The following TMEM114 variants were observed in gnomAD, a reference collection of about 807,000 sequenced individuals.
The protein encoded by TMEM114 is claudin-26.
TMEM114 carries 6 observed loss-of-function variants against 6.2 expected under a neutral mutation model. That is an observed-to-expected ratio of 0.97 (90% CI 0.53 to 1.91). The LOEUF (loss-of-function observed/expected upper bound fraction) is 1.91. Among genes scored for constraint, TMEM114 ranks in the 40% most tolerant of loss-of-function variants. The pLI is 0.01. For synonymous variants in TMEM114, 104 were observed against 73.0 expected, an observed-to-expected ratio of 1.42 and a Z score of -2.16; for missense variants, 218 against 158.3, an observed-to-expected ratio of 1.38 and a Z score of -2.02.
In TMEM114 at chr16:8,571,962, C is replaced by A. The variant is rs539421624; in HGVS notation, c.439+125G>T. Reference sequence around the variant, plus strand: ...CCACTCATCTCTTCCAACTGATATCCCAGAAGGGGAAACTGAACCCCACGA... The same window carrying A: ...CCACTCATCTCTTCCAACTGATATCACAGAAGGGGAAACTGAACCCCACGA... On this transcript the variant is annotated intron_variant, in intron 3 of 3. Transcript: ENST00000620492. 1.1e-5 allele frequency: 14 copies of A among 1,228,038 alleles called. No homozygotes were observed. The South Asian group carries it at 2.0e-4, about 18-fold the overall frequency. The allele number at this position is 1,228,038 out of a possible 1,614,324, so 76.1% of individuals were successfully genotyped here. A position where few individuals can be genotyped will look rare whatever the true frequency, so the allele number is the denominator to read the frequency against.
At chr16:8,555,202 G>A (rs546034836) in intron 2 of TMEM114, among the ~76,000 whole-genome samples, 1 of 152,296 alleles carries the variant, frequency 6.6e-6, no homozygotes, top group East Asian at 1.9e-4. Context: ...ACATCCCAAA[G>A]GTATGCACTA....
chr16:8,542,615 G>A (rs1337392842), intron 2 of TMEM114, among the ~76,000 whole-genome samples: 1 of 152,174 alleles, frequency 6.6e-6, no homozygotes, highest in Non-Finnish European at 1.5e-5. Flanking sequence ...TTGATTCTGT[G>A]GGTTTGGGGT....
chr16:8,530,308 C>A, the TMEM114 span, among the ~76,000 whole-genome samples: 1 of 152,110 alleles, frequency 6.6e-6, no homozygotes, highest in African/African-American at 2.4e-5. Context: ...ATTGCGGAGA[C>A]CTGGCTCCAC....
At position 8,550,716 on chromosome 16, in the gene TMEM114, G is replaced by A. The variant is rs569947209; in HGVS notation, n.213-12890C>T. On this transcript the variant is annotated intron_variant and non_coding_transcript_variant, in intron 2 of 2. Coordinates refer to the TMEM114 transcript ENST00000623677. ...AAAAAAAACCAAAAAAAAAAAGCAA[G>A]CAAACAAACAAACACTGGTCCCTCC... is the stretch of plus-strand genomic sequence containing the variant. 2.1e-5 allele frequency among the ~76,000 whole-genome samples: 3 copies of A among 146,244 alleles called. No homozygotes were observed. The South Asian group carries it at 6.6e-4, about 32-fold the overall frequency.
rs578209113 is a variant in TMEM114, at chr16:8,554,028, G to A, written n.213-16202C>T. Among the ~76,000 whole-genome samples, 12 of 152,098 alleles carry A rather than the reference G, an allele frequency of 7.9e-5. No individual in the cohort carries two copies. The East Asian group carries it at 1.2e-3, about 15-fold the overall frequency. On this transcript the variant is annotated intron_variant and non_coding_transcript_variant, in intron 2 of 2. Coordinates refer to the TMEM114 transcript ENST00000623677. ...TGAATAGCTGGGATTACAGGCATGCGCCACCACACCCAGTTAATTTTTGTG... is the reference window on the plus strand; with the variant it reads ...TGAATAGCTGGGATTACAGGCATGCACCACCACACCCAGTTAATTTTTGTG...
intron 2 of TMEM114, among the ~76,000 whole-genome samples, chr16:8,538,119 T>A (rs944737835): frequency 9.8e-6 from 1 of 101,962 alleles, no homozygotes; most frequent in Non-Finnish European, 1.8e-5. Context: ...GACAGCATGG[T>A]GTGACTGTCT....
intron 2 of TMEM114, among the ~76,000 whole-genome samples, chr16:8,543,903 C>G (rs1173536320): frequency 6.6e-6 from 1 of 152,226 alleles, no homozygotes; most frequent in African/African-American, 2.4e-5. Context: ...GGAACCTACA[C>G]AGTAAATTCC....
chr16:8,535,741 A>C (rs1377513735), downstream of TMEM114, among the ~76,000 whole-genome samples: 5 of 152,140 alleles, frequency 3.3e-5, no homozygotes, highest in Non-Finnish European at 7.3e-5. Flanking sequence ...CATCAAGTCA[A>C]ATAAAGGTGA....
At chr16:8,565,883 G>C (rs13334463), downstream of TMEM114, among the ~76,000 whole-genome samples, 8 of 151,968 alleles carry the variant, frequency 5.3e-5, no homozygotes, top group Non-Finnish European at 8.8e-5. Context: ...GGACCCCCAC[G>C]TGATGCTAAT....
At chr16:8,578,004 C>T (rs541055882) in intron 2 of TMEM114, among the ~76,000 whole-genome samples, 14 of 152,194 alleles carry the variant, frequency 9.2e-5, no homozygotes, top group Non-Finnish European at 2.1e-4. Context: ...AACAAGGCCA[C>T]TGCCCTCATG....
chr16:8,555,777 T>A (rs1900990451), intron 2 of TMEM114, among the ~76,000 whole-genome samples: 1 of 152,168 alleles, frequency 6.6e-6, no homozygotes, highest in Non-Finnish European at 1.5e-5. Context: ...GGGGATGCAG[T>A]TGGCATCTAC....
chr16:8,526,722 A>T, the TMEM114 span: 1 of 152,300 alleles, frequency 6.6e-6, no homozygotes, highest in Non-Finnish European at 1.5e-5. Flanking sequence ...TTTATAAATT[A>T]CCCAGTCTCA....
At chr16:8,579,329 T>A (rs1328177425) in intron 2 of TMEM114, among the ~76,000 whole-genome samples, 2 of 152,192 alleles carry the variant, frequency 1.3e-5, no homozygotes, top group African/African-American at 4.8e-5. Flanking sequence ...CAGGATCCAC[T>A]TACTACAAGG....
chr16:8,529,469 G>T, the TMEM114 span, among the ~76,000 whole-genome samples: 1 of 152,148 alleles, frequency 6.6e-6, no homozygotes, highest in Non-Finnish European at 1.5e-5. Flanking sequence ...ATATCACATG[G>T]AGAAGTGGAC....
Position 8,576,740 on chromosome 16 carries a change from AAG to A in TMEM114, c.302-4518_302-4517del, listed in dbSNP as rs879294689. The stretch of plus-strand genomic sequence containing the variant: ...GAAGGAAGGAAGGAAGGAAGGAAGG[AAG>A]GAAGGAAGGAAGGAAGGAAGGAAGG... On this transcript the variant is annotated intron_variant, in intron 2 of 3. Transcript: ENST00000620492. Among the ~76,000 whole-genome samples, 553 of 151,846 alleles carry A rather than the reference AAG, an allele frequency of 3.6e-3. 3 individuals are homozygous for A. Among genetic ancestry groups the A allele is most frequent in the Non-Finnish European group, 6.3e-3 (427 of 67,868 alleles).
chr16:8,527,036 C>A, the TMEM114 span, among the ~76,000 whole-genome samples: 1 of 152,270 alleles, frequency 6.6e-6, no homozygotes, highest in East Asian at 1.9e-4. Context: ...GGGGAAACCC[C>A]AACTCTGCTA....
chr16:8,532,301 C>T, the TMEM114 span, among the ~76,000 whole-genome samples: 1 of 152,114 alleles, frequency 6.6e-6, no homozygotes, highest in Non-Finnish European at 1.5e-5. Context: ...CTGCCTCTAG[C>T]CCTCTGTGTA....
chr16:8,528,922 T>G, the TMEM114 span, among the ~76,000 whole-genome samples: 3 of 152,334 alleles, frequency 2.0e-5, no homozygotes, highest in Admixed American at 2.0e-4. Context: ...TGCTATTGTT[T>G]GCCATCCTCC....
chr16:8,535,697 C>A (rs1034042598), downstream of TMEM114, among the ~76,000 whole-genome samples: 1 of 152,258 alleles, frequency 6.6e-6, no homozygotes, highest in South Asian at 2.1e-4. Flanking sequence ...GTCGTGGGAA[C>A]GTCACCTGCA....
Sources: allele counts gnomAD v4.1 joint callset (sites outside exome capture counted in the v4.1 genomes callset), GRCh38; gene constraint gnomAD v4.1.1; transcripts MANE v1.5; gene names NCBI Gene and HGNC (gene_info 2026-07-23, HGNC 2026-07-21).